KCNH8: variants seen among roughly 807,000 people sequenced by gnomAD.
The protein encoded by KCNH8 is voltage-gated delayed rectifier potassium channel KCNH8.
In KCNH8, 70 loss-of-function variants were observed where a neutral mutation model predicts 103.6. The ratio of observed to expected loss-of-function variants is 0.68; its 90% CI spans 0.56 to 0.82. KCNH8 has a LOEUF of 0.82. KCNH8 is among the 40% of genes least tolerant of loss of function. The pLI is 0.00. For synonymous variants in KCNH8, 498 were observed against 489.4 expected, an observed-to-expected ratio of 1.02 and a Z score of -0.23; for missense variants, 1,217 against 1,329.9, an observed-to-expected ratio of 0.92 and a Z score of 1.32.
At chr3:19,261,046 C>T (rs1370778068) in intron 2 of KCNH8, among the ~76,000 whole-genome samples, 1 of 148,982 alleles carries the variant, frequency 6.7e-6, no homozygotes, top group Non-Finnish European at 1.5e-5. Flanking sequence ...TGTCCCATAT[C>T]TTGGCTGTTG....
chr3:19,454,144 CTGTGTGTGTG>C (rs372400109), intron 10 of KCNH8, among the ~76,000 whole-genome samples: 10,981 of 131,548 alleles, frequency 0.083, 493 homozygotes, highest in African/African-American at 0.12. Flanking sequence ...AGTAAGGCTT[CTGTGTGTGTG>C]TGTGTGTGTG....
At chr3:19,305,111 A>T (rs1246856557) in intron 3 of KCNH8, among the ~76,000 whole-genome samples, 1 of 152,086 alleles carries the variant, frequency 6.6e-6, no homozygotes, top group Admixed American at 6.6e-5. Flanking sequence ...AAGGAAAAAA[A>T]AAAAGTGCTA....
intron 3 of KCNH8, among the ~76,000 whole-genome samples, chr3:19,328,465 TCA>T (rs1045851644): frequency 1.3e-5 from 2 of 152,144 alleles, no homozygotes; most frequent in African/African-American, 4.8e-5. Flanking sequence ...ATTTTAAATT[TCA>T]CACACTGTAA....
chr3:19,498,032 C>G (rs1189368226), intron 11 of KCNH8, among the ~76,000 whole-genome samples: 1 of 152,152 alleles, frequency 6.6e-6, no homozygotes, highest in Non-Finnish European at 1.5e-5. Context: ...GGTTTAAAGT[C>G]TGTTTTGTCT....
At chr3:19,469,963 G>A (rs766413836) in intron 11 of KCNH8, among the ~76,000 whole-genome samples, 4 of 152,072 alleles carry the variant, frequency 2.6e-5, no homozygotes, top group Non-Finnish European at 5.9e-5. Flanking sequence ...ATGTTCCCTT[G>A]TAACCCTGAA....
chr3:19,493,425 G>C (rs1328207175), intron 11 of KCNH8, among the ~76,000 whole-genome samples: 1 of 152,112 alleles, frequency 6.6e-6, no homozygotes, highest in African/African-American at 2.4e-5. Flanking sequence ...GAGTGAATTA[G>C]ATCTGATTGT....
rs139312074 is a variant in KCNH8, at chr3:19,199,160, A to G, written c.76+50365A>G. Among the ~76,000 whole-genome samples the G allele has an allele frequency of 7.1e-4, 108 of 152,272 alleles. No homozygotes were observed. In the East Asian group the frequency reaches 0.019, roughly 27 times the overall value. ...ACTCATTGTACTGTGTCATCCTACT[A>G]AATATATAAAGTCTGATAGTTATTT... is the stretch of plus-strand genomic sequence containing the variant. On this transcript the variant is annotated intron_variant, in intron 1 of 15. Coordinates refer to ENST00000328405, the MANE Select transcript of KCNH8 (RefSeq NM_144633.3).
At chr3:19,498,361 AG>A (rs1219671294) in intron 11 of KCNH8, among the ~76,000 whole-genome samples, 1 of 152,010 alleles carries the variant, frequency 6.6e-6, no homozygotes, top group Non-Finnish European at 1.5e-5. Context: ...GTGTTTTTGT[AG>A]TGGCTGGTAT....
chr3:19,219,739 A>G (rs189505057), intron 1 of KCNH8, among the ~76,000 whole-genome samples: 53 of 152,250 alleles, frequency 3.5e-4, no homozygotes, highest in African/African-American at 1.1e-3. Flanking sequence ...CTCTTCCTAC[A>G]GAGTGGAACC....
intron 1 of KCNH8, among the ~76,000 whole-genome samples, chr3:19,209,253 C>T (rs2063746262): frequency 6.6e-6 from 1 of 152,002 alleles, no homozygotes; most frequent in Non-Finnish European, 1.5e-5. Context: ...TAAAAGGATT[C>T]ACAATGATTG....
intron 5 of KCNH8, among the ~76,000 whole-genome samples, chr3:19,357,703 G>T (rs894138084): frequency 1.3e-5 from 2 of 151,750 alleles, no homozygotes; most frequent in Non-Finnish European, 1.5e-5. Flanking sequence ...GATTGCTTTG[G>T]TCTCTCTAAG....
intron 1 of KCNH8, among the ~76,000 whole-genome samples, chr3:19,246,997 G>A (rs1056551173): frequency 3.3e-5 from 5 of 152,090 alleles, no homozygotes; most frequent in African/African-American, 1.2e-4. Context: ...TACTACCTCA[G>A]CACTAGAGTT....
chr3:19,345,486 T>C (rs1211493237), intron 4 of KCNH8, among the ~76,000 whole-genome samples: 5 of 152,062 alleles, frequency 3.3e-5, no homozygotes, highest in South Asian at 2.1e-4. Flanking sequence ...TAAAACACCA[T>C]TGGTACTAAA....
At chr3:19,170,788 A>C (rs979711364) in intron 1 of KCNH8, among the ~76,000 whole-genome samples, 10 of 109,200 alleles carry the variant, frequency 9.2e-5, no homozygotes, top group Admixed American at 2.8e-4. Context: ...ACACACACAC[A>C]CATATATATA....
At chr3:19,347,324 A>G (rs190864780) in intron 4 of KCNH8, among the ~76,000 whole-genome samples, 1 of 152,264 alleles carries the variant, frequency 6.6e-6, no homozygotes, top group East Asian at 1.9e-4. Flanking sequence ...GTCTTTAGAT[A>G]ATGACTGTCA....
chr3:19,298,715 G>C (rs1374485892), intron 3 of KCNH8, among the ~76,000 whole-genome samples: 1 of 151,978 alleles, frequency 6.6e-6, no homozygotes, highest in African/African-American at 2.4e-5. Context: ...GAGGTCAGGA[G>C]ATCGAGACCA....
intron 5 of KCNH8, among the ~76,000 whole-genome samples, chr3:19,354,660 A>G (rs1044877899): frequency 3.2e-4 from 49 of 152,216 alleles, no homozygotes; most frequent in African/African-American, 9.6e-4. Flanking sequence ...AATGGTGCTG[A>G]GAAAACTGGC....
intron 2 of KCNH8, among the ~76,000 whole-genome samples, chr3:19,271,332 A>T (rs1487000638): frequency 6.6e-6 from 1 of 152,250 alleles, no homozygotes; most frequent in Admixed American, 6.5e-5. Flanking sequence ...TTTTAACTCG[A>T]GCAATCTGAA....
Position 19,450,146 on chromosome 3 carries a change from C to T in KCNH8, c.1416C>T (p.Ile472=). ...HALVFGNVTA[I]IQRMYSRWSL... ...TGGTGTTTGGAAACGTGACAGCAAT[C>T]ATACAGAGGATGTACTCCAGATGGT... The change falls in exon 9 of 16, where the codon ATC becomes ATT. Residue 472 remains isoleucine (I), a synonymous_variant. Coordinates refer to ENST00000328405, the MANE Select transcript of KCNH8 (RefSeq NM_144633.3). 2 of 1,613,668 alleles carry T rather than the reference C, an allele frequency of 1.2e-6. No individual in the cohort carries two copies.
Sources: gnomAD v4.1 joint callset for allele counts (sites outside exome capture counted in the v4.1 genomes callset) on GRCh38, gnomAD v4.1.1 for gene constraint, MANE v1.5 for transcripts, NCBI Gene and HGNC (gene_info 2026-07-23, HGNC 2026-07-21) for gene names.